GRIK1: variants seen among roughly 807,000 people sequenced by gnomAD.
GRIK1 encodes glutamate receptor ionotropic, kainate 1.
In GRIK1, 69 loss-of-function variants were observed where a neutral mutation model predicts 105.7. The observed-to-expected ratio is 0.65, with a 90% confidence interval of 0.54 to 0.80. The LOEUF (loss-of-function observed/expected upper bound fraction) is 0.80, where lower values mean the gene tolerates loss of function less well. Among genes scored for constraint, GRIK1 ranks in the 30% least tolerant of loss-of-function variants. The pLI, the probability that GRIK1 is intolerant of heterozygous loss-of-function variation, is 0.00. For missense variants in GRIK1, 1,109 were observed against 1,167.3 expected, an observed-to-expected ratio of 0.95 and a Z score of 0.73; for synonymous variants, 438 against 431.3, an observed-to-expected ratio of 1.02 and a Z score of -0.19.
chr21:29,908,700 A>G (rs2070722511), intron 1 of GRIK1, among the ~76,000 whole-genome samples: 1 of 152,224 alleles, frequency 6.6e-6, no homozygotes, highest in African/African-American at 2.4e-5. Context: ...CTAGTGTGTT[A>G]CAAGTAAACA....
chr21:29,731,070 A>T (rs1210193945), intron 1 of GRIK1, among the ~76,000 whole-genome samples: 1 of 152,170 alleles, frequency 6.6e-6, no homozygotes, highest in Non-Finnish European at 1.5e-5. Flanking sequence ...AAACAAAAAG[A>T]AGTTAGAAGG....
At chr21:29,627,881 C>T (rs9978417) in intron 7 of GRIK1, among the ~76,000 whole-genome samples, 77,685 of 152,002 alleles carry the variant, frequency 0.51, 22,686 homozygotes, top group African/African-American at 0.82. Flanking sequence ...GGGAATATAG[C>T]AAAAGGAAAA....
chr21:29,855,400 G>C (rs990347843), intron 1 of GRIK1, among the ~76,000 whole-genome samples: 2 of 152,200 alleles, frequency 1.3e-5, no homozygotes, highest in African/African-American at 4.8e-5. Flanking sequence ...TGATATTTAA[G>C]CTGAGATCTG....
intron 1 of GRIK1, among the ~76,000 whole-genome samples, chr21:29,728,240 C>A (rs1018847509): frequency 1.3e-5 from 2 of 152,192 alleles, no homozygotes; most frequent in African/African-American, 4.8e-5. Flanking sequence ...ATTGTAATAG[C>A]ATCCACACAA....
intron 8 of GRIK1, 85 bp downstream of exon 8, chr21:29,598,745 T>C: frequency 1.6e-6 from 1 of 621,442 alleles, no homozygotes; most frequent in South Asian, 2.3e-5. Context: ...CACTTCATCA[T>C]TCACCTACTT....
chr21:29,843,082 A>G (rs952774919), intron 1 of GRIK1, among the ~76,000 whole-genome samples: 4 of 152,132 alleles, frequency 2.6e-5, no homozygotes, highest in African/African-American at 9.7e-5. Context: ...TATGTTCAGT[A>G]GGGCTTAATA....
intron 1 of GRIK1, among the ~76,000 whole-genome samples, chr21:29,770,412 G>T (rs567933623): frequency 1.3e-5 from 2 of 152,166 alleles, no homozygotes; most frequent in Non-Finnish European, 2.9e-5. Context: ...CAGGGGTGCC[G>T]ATGACTCCAA....
chr21:29,864,236 T>C (rs2068733632), intron 1 of GRIK1, among the ~76,000 whole-genome samples: 1 of 152,126 alleles, frequency 6.6e-6, no homozygotes, highest in Non-Finnish European at 1.5e-5. Context: ...TCATTTTCTG[T>C]CAAAATTTCA....
At chr21:29,704,740 AT>A (rs2063872628) in intron 1 of GRIK1, among the ~76,000 whole-genome samples, 1 of 152,086 alleles carries the variant, frequency 6.6e-6, no homozygotes, top group South Asian at 2.1e-4. Context: ...TTTAGCAGTG[AT>A]TTCTCACTCT....
chr21:29,904,817 C>A (rs1373543233), intron 1 of GRIK1, among the ~76,000 whole-genome samples: 1 of 152,178 alleles, frequency 6.6e-6, no homozygotes, highest in African/African-American at 2.4e-5. Context: ...CAGATCAACA[C>A]TTCTCAGTGG....
intron 1 of GRIK1, among the ~76,000 whole-genome samples, chr21:29,894,804 G>T (rs942240391): frequency 6.6e-6 from 1 of 152,096 alleles, no homozygotes; most frequent in Admixed American, 6.6e-5. Flanking sequence ...GTGCCCCCTG[G>T]ATCCACTTCT....
intron 1 of GRIK1, among the ~76,000 whole-genome samples, chr21:29,864,950 G>C (rs1354300401): frequency 2.0e-5 from 3 of 152,162 alleles, no homozygotes; most frequent in African/African-American, 7.2e-5. Flanking sequence ...CAGAGGCCAA[G>C]TAATGCTGCT....
At chr21:29,812,365 C>T (rs537727046) in intron 1 of GRIK1, among the ~76,000 whole-genome samples, 1 of 152,256 alleles carries the variant, frequency 6.6e-6, no homozygotes, top group South Asian at 2.1e-4. Context: ...CCTTCACTCT[C>T]TTATTCAAGA....
At chr21:29,689,622 A>G in intron 3 of GRIK1, 106 bp downstream of exon 3, 1 of 916,210 alleles carries the variant, frequency 1.1e-6, no homozygotes, top group Non-Finnish European at 1.8e-6. Flanking sequence ...TTTATATAAA[A>G]GAGCATTTTT....
chr21:29,648,143 A>G (rs1453527206), intron 6 of GRIK1, among the ~76,000 whole-genome samples: 1 of 152,230 alleles, frequency 6.6e-6, no homozygotes, highest in Non-Finnish European at 1.5e-5. Context: ...ATGGGAAATC[A>G]AAACACATGC....
In GRIK1 at chr21:29,736,507, G is replaced by T. The variant is rs142558115; in HGVS notation, c.119-42444C>A. On this transcript the variant is annotated intron_variant, in intron 1 of 17. Transcript: ENST00000327783. Reference sequence around the variant, plus strand: ...GCCTCCCAAAGTGCTGGGATTACAGGCATGAGCCACTGTACCTGGTCCTGA... The same window carrying T: ...GCCTCCCAAAGTGCTGGGATTACAGTCATGAGCCACTGTACCTGGTCCTGA... Among the ~76,000 whole-genome samples the T allele has an allele frequency of 5.7e-3, 866 of 152,162 alleles. 13 individuals carry two copies. Among genetic ancestry groups the T allele is most frequent in the African/African-American group, 0.019 (803 of 41,508 alleles).
chr21:29,579,983 G>GTATATA (rs1374699083), intron 13 of GRIK1, among the ~76,000 whole-genome samples: 3,953 of 137,230 alleles, frequency 0.029, 190 homozygotes, highest in African/African-American at 0.11. Flanking sequence ...ATATATATAT[G>GTATATA]TGTGTATATA....
At chr21:29,866,430 A>G (rs1423475902) in intron 1 of GRIK1, among the ~76,000 whole-genome samples, 1 of 152,150 alleles carries the variant, frequency 6.6e-6, no homozygotes, top group African/African-American at 2.4e-5. Flanking sequence ...ATGAAACTGC[A>G]CCTGCTATTA....
Position 29,606,887 on chromosome 21 carries a change from G to C in GRIK1, c.1099-7950C>G, listed in dbSNP as rs363453. Among the ~76,000 whole-genome samples the C allele has an allele frequency of 4.5e-3, 691 of 152,216 alleles. 4 individuals carry two copies. Among genetic ancestry groups the C allele is most frequent in the South Asian group, 8.1e-3 (39 of 4,830 alleles). ...CGAGAAGTGCCTTACCTAACTCACA[G>C]CTTCAGTCATTTCTCCTCCACAACT... On this transcript the variant is annotated intron_variant, in intron 7 of 17. Coordinates refer to ENST00000327783, the MANE Select transcript of GRIK1 (RefSeq NM_001330994.2).
Sources: gnomAD v4.1 joint callset for allele counts (sites outside exome capture counted in the v4.1 genomes callset) on GRCh38, gnomAD v4.1.1 for gene constraint, MANE v1.5 for transcripts, NCBI Gene and HGNC (gene_info 2026-07-23, HGNC 2026-07-21) for gene names.